Variants in CSMD1 observed in about 807,000 individuals in gnomAD.
The protein encoded by CSMD1 is CUB and Sushi multiple domains 1.
Under a neutral mutation model 417.5 loss-of-function variants are expected in CSMD1, and 213 were observed. The observed-to-expected ratio is 0.51, with a 90% CI of 0.46 to 0.57. The LOEUF is 0.57. Ranked by LOEUF, CSMD1 falls within the 20% of genes least tolerant of loss-of-function variation. The probability of loss-of-function intolerance (pLI) is 0.00; values close to 1 mark genes in which losing one functional copy is unlikely to be tolerated. For synonymous variants in CSMD1, 2,862 were observed against 1,736.8 expected (o/e 1.65, Z -16.11); for missense variants, 6,923 against 4,529.7 (o/e 1.53, Z -15.17).
chr8:4,029,576 C>T (rs564392325), intron 4 of CSMD1, among the ~76,000 whole-genome samples: 1 of 152,082 alleles, frequency 6.6e-6, no homozygotes, highest in Non-Finnish European at 1.5e-5. Flanking sequence ...TGGCTTCCTC[C>T]CACATGTGAG....
chr8:4,775,941 G>C (rs752963242), intron 1 of CSMD1, among the ~76,000 whole-genome samples: 19 of 152,162 alleles, frequency 1.2e-4, no homozygotes, highest in Non-Finnish European at 2.4e-4. Flanking sequence ...ATTAGTCAAG[G>C]CAGTTGGAGT....
chr8:4,382,697 T>A (rs1292220128), intron 3 of CSMD1, among the ~76,000 whole-genome samples: 1 of 152,006 alleles, frequency 6.6e-6, no homozygotes, highest in African/African-American at 2.4e-5. Context: ...TAAGATACAT[T>A]TGAATTTACT....
At chr8:3,531,669 T>C (rs746581228) in intron 10 of CSMD1, among the ~76,000 whole-genome samples, 1 of 152,168 alleles carries the variant, frequency 6.6e-6, no homozygotes, top group Non-Finnish European at 1.5e-5. Context: ...AAACTATTTA[T>C]GCAGATAATG....
chr8:3,761,100 T>C (rs1426956042), intron 5 of CSMD1, among the ~76,000 whole-genome samples: 1 of 152,220 alleles, frequency 6.6e-6, no homozygotes, highest in East Asian at 1.9e-4. Flanking sequence ...AATTGGCTGT[T>C]ACTCACATTG....
rs147104340 is a variant in CSMD1 at position 4,300,957 on chromosome 8, C to T, written c.415+118996G>A. Among the ~76,000 whole-genome samples, 57 of 152,204 alleles carry T rather than the reference C, an allele frequency of 3.7e-4. No homozygotes were observed. In the East Asian group the frequency reaches 0.011, roughly 29 times the overall value. On this transcript the variant is annotated intron_variant, in intron 3 of 69. Transcript: ENST00000635120. ...CGTTGTTGGACATTTAGGTTGGTTC[C>T]AAGTCTTTACTATTGTAAATAGTGC...
At chr8:3,189,114 T>C (rs1796265368) in intron 34 of CSMD1, 103 bp from the exon 35 acceptor site, 1 of 744,166 alleles carries the variant, frequency 1.3e-6, no homozygotes, top group Non-Finnish European at 2.0e-6. Context: ...AGAGAAAATG[T>C]ACATGAACAA....
At chr8:4,834,032 G>T (rs1225710211) in intron 1 of CSMD1, among the ~76,000 whole-genome samples, 1 of 152,132 alleles carries the variant, frequency 6.6e-6, no homozygotes, top group African/African-American at 2.4e-5. Context: ...AATATCGTAC[G>T]TGGCCAGTAG....
intron 5 of CSMD1, among the ~76,000 whole-genome samples, chr8:3,964,479 G>T (rs79249802): frequency 5.9e-5 from 9 of 152,180 alleles, no homozygotes; most frequent in African/African-American, 2.2e-4. Context: ...TCATTTTGCC[G>T]CATTTGTATT....
At position 4,784,464 on chromosome 8, in the gene CSMD1, C is replaced by T. The variant is rs118142649; in HGVS notation, c.86-146906G>A. ...GAACCCGTGATTAAAATAACACTTGCATTGAAATTTTAACTGCTGTTTTAC... is the reference window on the plus strand; with the variant it reads ...GAACCCGTGATTAAAATAACACTTGTATTGAAATTTTAACTGCTGTTTTAC... On this transcript the variant is annotated intron_variant, in intron 1 of 69. Transcript: ENST00000635120. 9.2e-3 allele frequency among the ~76,000 whole-genome samples: 1,394 copies of T among 152,300 alleles called. 55 individuals are homozygous for T. The highest frequency in any genetic ancestry group is 0.058 in the Admixed American group (893 of 15,292).
intron 12 of CSMD1, among the ~76,000 whole-genome samples, chr8:3,461,422 G>A (rs1447968352): frequency 1.3e-5 from 2 of 152,206 alleles, no homozygotes; most frequent in Non-Finnish European, 2.9e-5. Context: ...TGCTGTGTCA[G>A]TCCCCAGAGG....
intron 5 of CSMD1, among the ~76,000 whole-genome samples, chr8:3,876,728 G>GC (rs1373628930): frequency 6.6e-6 from 1 of 152,162 alleles, no homozygotes; most frequent in Non-Finnish European, 1.5e-5. Flanking sequence ...TCCAGCCTTG[G>GC]CCTCCTGAGT....
chr8:3,023,598 T>C (rs1182342445), intron 51 of CSMD1, among the ~76,000 whole-genome samples: 1 of 152,140 alleles, frequency 6.6e-6, no homozygotes, highest in Non-Finnish European at 1.5e-5. Flanking sequence ...CCTGAGTTTT[T>C]CTCTAGGGAC....
chr8:4,489,008 T>A (rs1168088605), intron 2 of CSMD1, among the ~76,000 whole-genome samples: 1 of 152,148 alleles, frequency 6.6e-6, no homozygotes, highest in Non-Finnish European at 1.5e-5. Context: ...CCTCCCAGCT[T>A]CAAGCAATTC....
At chr8:3,460,911 G>C (rs1336544581) in intron 12 of CSMD1, among the ~76,000 whole-genome samples, 2 of 152,162 alleles carry the variant, frequency 1.3e-5, no homozygotes, top group Admixed American at 1.3e-4. Flanking sequence ...ATGACCACTT[G>C]TGGTCCCAAG....
intron 1 of CSMD1, among the ~76,000 whole-genome samples, chr8:4,745,631 G>A (rs149887961): frequency 6.6e-6 from 1 of 152,198 alleles, no homozygotes; most frequent in African/African-American, 2.4e-5. Flanking sequence ...TGTAGAGAGA[G>A]AGTAGAGAGA....
chr8:4,537,862 G>T (rs1797177767), intron 2 of CSMD1, among the ~76,000 whole-genome samples: 1 of 152,120 alleles, frequency 6.6e-6, no homozygotes, highest in Non-Finnish European at 1.5e-5. Context: ...GCATTGCTTT[G>T]ATCACATAGG....
At chr8:3,465,524 G>C (rs1816748366) in intron 12 of CSMD1, among the ~76,000 whole-genome samples, 1 of 152,168 alleles carries the variant, frequency 6.6e-6, no homozygotes, top group African/African-American at 2.4e-5. Context: ...GGGGGTGCCA[G>C]GAAAGCATCC....
At chr8:3,422,253 C>G (rs1462127483) in intron 12 of CSMD1, among the ~76,000 whole-genome samples, 1 of 152,118 alleles carries the variant, frequency 6.6e-6, no homozygotes, top group Middle Eastern at 3.2e-3. Flanking sequence ...CTTAGCCACT[C>G]AGCATTCTTG....
rs114739546 is a variant in CSMD1, at chr8:4,250,171, C to G, written c.415+169782G>C. 6.2e-3 allele frequency among the ~76,000 whole-genome samples: 939 copies of G among 152,288 alleles called. 13 individuals carry two copies. Among genetic ancestry groups the G allele is most frequent in the African/African-American group, 0.022 (899 of 41,562 alleles). ...GCTTCTCAGCCTCTAGAACTGTGAA[C>G]CAATACATTTCTTTTCTTTACAAAG... On this transcript the variant is annotated intron_variant, in intron 3 of 69. Coordinates refer to ENST00000635120, the MANE Select transcript of CSMD1 (RefSeq NM_033225.6).
Sources: allele counts gnomAD v4.1 joint callset (sites outside exome capture counted in the v4.1 genomes callset), GRCh38; gene constraint gnomAD v4.1.1; transcripts MANE v1.5; gene names NCBI Gene and HGNC (gene_info 2026-07-23, HGNC 2026-07-21).